The following TTF2 variants were observed in gnomAD, a reference collection of about 807,000 sequenced individuals.
TTF2 encodes the protein transcription termination factor 2.
TTF2 carries 108 observed loss-of-function variants against 142.4 expected under a neutral mutation model. That is an observed-to-expected ratio of 0.76 (90% confidence interval 0.65 to 0.89). TTF2 has a LOEUF of 0.89. TTF2 is among the 40% of genes least tolerant of loss of function. The pLI, the probability that TTF2 is intolerant of heterozygous loss-of-function variation, is 0.00. For synonymous variants in TTF2, 483 were observed against 506.2 expected (o/e 0.95, Z 0.61); for missense variants, 1,327 against 1,379.8 (o/e 0.96, Z 0.61).
At chr1:117,082,311 C>T (rs574873032) in intron 10 of TTF2, among the ~76,000 whole-genome samples, 2 of 152,262 alleles carry the variant, frequency 1.3e-5, no homozygotes, top group East Asian at 1.9e-4. Context: ...CTCCTTGGCT[C>T]AAGCGATCCT....
intron 18 of TTF2, among the ~76,000 whole-genome samples, chr1:117,094,994 G>C (rs1269303475): frequency 6.6e-6 from 1 of 152,184 alleles, no homozygotes; most frequent in Non-Finnish European, 1.5e-5. Flanking sequence ...TGTGCTTGCT[G>C]TGTCGTTTGA....
In TTF2 at chr1:117,084,154, T is replaced by C; in HGVS notation, c.2040T>C (p.Asp680=). 6.2e-7 allele frequency: 1 copy of C among 1,614,206 alleles called. No homozygotes were observed. The highest frequency in any genetic ancestry group is 1.3e-5 in the African/African-American group (1 of 75,058). ...RVYLYHGPNR[D]SRARVLSTYD... is the part of the protein sequence containing the mutation. Reference sequence around the variant, plus strand: ...ATCTCTACCATGGGCCAAACCGGGATTCACGTGCCAGAGTGTAAGTGCAGG... The same window carrying C: ...ATCTCTACCATGGGCCAAACCGGGACTCACGTGCCAGAGTGTAAGTGCAGG... The change falls in exon 11 of 23, where the codon GAT becomes GAC. Residue 680 remains aspartate, a synonymous_variant. Coordinates refer to ENST00000369466, the MANE Select transcript of TTF2 (RefSeq NM_003594.4).
In TTF2 at chr1:117,075,466, G is replaced by C; in HGVS notation, c.882G>C (p.Lys294Asn). The change falls in exon 5 of 23, where the codon AAG (lysine) becomes AAC (asparagine). Residue 294 changes from lysine to asparagine, a missense_variant. Physicochemically the swap from Lys to Asn is moderately conservative, Grantham distance 94. Coordinates refer to ENST00000369466, the MANE Select transcript of TTF2 (RefSeq NM_003594.4). The surrounding 1 kb of genome is among the most constrained non-coding windows in gnomAD (Gnocchi z 4.5). ...EYTNWEAKET[K>N]AKDGPSIQAT... Reference sequence around the variant, plus strand: ...CGAACTGGGAGGCTAAAGAAACAAAGGCAAAGGATGGCCCTAGCATACAGG... The same window carrying C: ...CGAACTGGGAGGCTAAAGAAACAAACGCAAAGGATGGCCCTAGCATACAGG... 7.4e-6 allele frequency: 12 copies of C among 1,614,116 alleles called. No individual in the cohort carries two copies. Among genetic ancestry groups the C allele is most frequent in the Non-Finnish European group, 9.3e-6 (11 of 1,179,996 alleles).
At chr1:117,069,287 G>C (rs184616080) in intron 3 of TTF2, among the ~76,000 whole-genome samples, 31 of 152,304 alleles carry the variant, frequency 2.0e-4, no homozygotes, top group African/African-American at 7.2e-4. Context: ...AGTCTCCTCT[G>C]CACATTAGAG....
rs12057763 is a variant in TTF2, at chr1:117,087,544, C to T, written c.2160+1022C>T. Reference sequence around the variant, plus strand: ...CTGACCTCAAGTGATCCACCCGCCTCGGCCTCCCAAAGTGCTGGGATTATA... The same window carrying T: ...CTGACCTCAAGTGATCCACCCGCCTTGGCCTCCCAAAGTGCTGGGATTATA... On this transcript the variant is annotated intron_variant, in intron 12 of 22. Coordinates refer to ENST00000369466, the MANE Select transcript of TTF2 (RefSeq NM_003594.4). The surrounding 1 kb of genome is among the most constrained non-coding windows in gnomAD (Gnocchi z 4.8). 4.0e-3 allele frequency among the ~76,000 whole-genome samples: 607 copies of T among 152,298 alleles called. 5 individuals carry two copies. The highest frequency in any genetic ancestry group is 0.014 in the African/African-American group (588 of 41,552).
chr1:117,090,939 A>C lies in TTF2; in HGVS notation c.2588+316A>C, dbSNP rs1193656376. Among the ~76,000 whole-genome samples, 1 of 152,042 alleles carries C rather than the reference A, an allele frequency of 6.6e-6. No individual in the cohort carries two copies. The highest frequency in any genetic ancestry group is 1.9e-4 in the East Asian group (1 of 5,182). On this transcript the variant is annotated intron_variant, in intron 15 of 22. Coordinates refer to ENST00000369466, the MANE Select transcript of TTF2 (RefSeq NM_003594.4). The surrounding 1 kb of genome is among the most constrained non-coding windows in gnomAD (Gnocchi z 4.8). ...TGTACTGAATAATAATATCTCTTTG[A>C]CATTTGACCTGTCATCCAGCATCTC... is the stretch of plus-strand genomic sequence containing the variant.
Position 117,076,357 on chromosome 1 carries a change from G to T in TTF2, c.1390+63G>T. ...CGACTTTACAAGAGACATTCGGGAA[G>T]CCCTTTTAATAAAGAATGTGTTGAT... On this transcript the variant is annotated intron_variant, in intron 6 of 22. Coordinates refer to ENST00000369466, the MANE Select transcript of TTF2 (RefSeq NM_003594.4). The surrounding 1 kb of genome is among the most constrained non-coding windows in gnomAD (Gnocchi z 4.6). 7.5e-7 allele frequency: 1 copy of T among 1,326,860 alleles called. No individual in the cohort carries two copies. Among genetic ancestry groups the T allele is most frequent in the South Asian group, 1.3e-5 (1 of 76,830 alleles). 82.2% of individuals were successfully genotyped at this position (1,326,860 alleles called of 1,614,324 possible). A position where few individuals can be genotyped will look rare whatever the true frequency, so the allele number is the denominator to read the frequency against.
intron 3 of TTF2, among the ~76,000 whole-genome samples, chr1:117,065,718 T>A (rs918562731): frequency 7.2e-5 from 11 of 152,230 alleles, no homozygotes; most frequent in East Asian, 1.9e-4. Flanking sequence ...GAATTTTTTT[T>A]AATTTTGTTT....
rs774888484 is a variant in TTF2, at chr1:117,060,527, C to T, written c.101C>T (p.Ala34Val). The change falls in exon 2 of 23, where the codon GCA becomes GTA. Residue 34 changes from alanine (A) to valine (V), a missense_variant. Physicochemically the swap from Ala to Val is moderately conservative, Grantham distance 64. Transcript: ENST00000369466. ...GGAAAGAGCTTCTACGTGTGCCGGGCAGACACGTGCAGCTTCGTGCGGGCC... is the reference window on the plus strand; with the variant it reads ...GGAAAGAGCTTCTACGTGTGCCGGGTAGACACGTGCAGCTTCGTGCGGGCC... Reference protein sequence around the residue: ...NKGKSFYVCRADTCSFVRATD... With the variant: ...NKGKSFYVCRVDTCSFVRATD... The T allele has an allele frequency of 1.2e-6, 2 of 1,613,646 alleles. No individual in the cohort carries two copies. Among genetic ancestry groups the T allele is most frequent in the Non-Finnish European group, 1.7e-6 (2 of 1,179,696 alleles).
Position 117,074,931 on chromosome 1 carries a change from A to G in TTF2, c.347A>G (p.His116Arg), listed in dbSNP as rs1475564028. ...NKSQHASETFHHSSNWLRNPF... is the reference protein window; with the variant it reads ...NKSQHASETFRHSSNWLRNPF... ...TCTCAGCATGCATCTGAGACATTTC[A>G]TCATTCTTCCAACTGGCTGAGAAAT... The change falls in exon 5 of 23, where the codon CAT becomes CGT. Residue 116 changes from histidine (H) to arginine (R), a missense_variant. Transcript: ENST00000369466. 4.3e-6 allele frequency: 7 copies of G among 1,613,626 alleles called. No homozygotes were observed. Among genetic ancestry groups the G allele is most frequent in the Admixed American group, 1.7e-5 (1 of 59,904 alleles).
At position 117,095,381 on chromosome 1, in the gene TTF2, C is replaced by T; in HGVS notation, c.3035+14C>T. 6.2e-7 allele frequency: 1 copy of T among 1,613,222 alleles called. No homozygotes were observed. Among genetic ancestry groups the T allele is most frequent in the South Asian group, 1.1e-5 (1 of 91,066 alleles). On this transcript the variant is annotated intron_variant, in intron 19 of 22. Transcript: ENST00000369466. ...ATCCCAAAAGAGGTAACTGCGTTTTCTCATTATCCAAGTATTGGTCATAAT... is the reference window on the plus strand; with the variant it reads ...ATCCCAAAAGAGGTAACTGCGTTTTTTCATTATCCAAGTATTGGTCATAAT...
chr1:117,095,485 T>C, intron 19 of TTF2, 118 bp downstream of exon 19: 1 of 854,144 alleles, frequency 1.2e-6, no homozygotes, highest in Non-Finnish European at 1.9e-6. Flanking sequence ...ACTGAGGTTA[T>C]AGCACACATT....
chr1:117,078,346 T>C (rs1249500161), intron 8 of TTF2, among the ~76,000 whole-genome samples: 3 of 152,158 alleles, frequency 2.0e-5, no homozygotes, highest in Admixed American at 1.3e-4. Flanking sequence ...TGAAAATACA[T>C]ATACAATGTA....
In TTF2 at chr1:117,086,689, T is replaced by C. The variant is rs1334015696; in HGVS notation, c.2160+167T>C. Among the ~76,000 whole-genome samples, 5 of 152,154 alleles carry C rather than the reference T, an allele frequency of 3.3e-5. No individual in the cohort carries two copies. The highest frequency in any genetic ancestry group is 2.6e-4 in the Admixed American group (4 of 15,266). The stretch of plus-strand genomic sequence containing the variant: ...TCTTTCCTCTATCCCATCACCCTTA[T>C]TCCAGACAACCACCTCAGTGATAAA... On this transcript the variant is annotated intron_variant, in intron 12 of 22. Coordinates refer to ENST00000369466, the MANE Select transcript of TTF2 (RefSeq NM_003594.4). This position sits in a 1 kb window ranked among gnomAD's most constrained non-coding sequence, Gnocchi z 4.2.
rs986571031 is a variant in TTF2 at position 117,087,216 on chromosome 1, G to T, written c.2160+694G>T. ...TAACCAACTCTGACTTATAGATGAT[G>T]AACTTTTCAGATTGCTCACTGGTTT... On this transcript the variant is annotated intron_variant, in intron 12 of 22. Transcript: ENST00000369466. This position sits in a 1 kb window ranked among gnomAD's most constrained non-coding sequence, Gnocchi z 4.8. Among the ~76,000 whole-genome samples, 1 of 152,190 alleles carries T rather than the reference G, an allele frequency of 6.6e-6. No homozygotes were observed. Among genetic ancestry groups the T allele is most frequent in the Non-Finnish European group, 1.5e-5 (1 of 68,032 alleles).
In TTF2 at chr1:117,081,983, A is replaced by G. The variant is rs749271200; in HGVS notation, c.1903+36A>G. ...GTGCCTTAATAGCCTGCCATTCCCT[A>G]CGTCATTTGAGCCACCCAAGAGGGG... On this transcript the variant is annotated intron_variant, in intron 10 of 22. Coordinates refer to ENST00000369466, the MANE Select transcript of TTF2 (RefSeq NM_003594.4). 17 of 1,613,364 alleles carry G rather than the reference A, an allele frequency of 1.1e-5. No homozygotes were observed. In the South Asian group the frequency reaches 1.5e-4, roughly 15 times the overall value.
intron 16 of TTF2, among the ~76,000 whole-genome samples, 157 bp downstream of exon 16, chr1:117,091,567 G>A (rs1553198806): frequency 1.3e-5 from 2 of 152,146 alleles, no homozygotes; most frequent in African/African-American, 2.4e-5. Flanking sequence ...TTGCAAACAC[G>A]AGATCTGGTG....
intron 8 of TTF2, 47 bp downstream of exon 8, chr1:117,078,090 A>G (rs1159743369): frequency 6.3e-7 from 1 of 1,590,892 alleles, no homozygotes; most frequent in Non-Finnish European, 8.6e-7. Context: ...ACAGTGCTCC[A>G]GCAGCCCCAT....
chr1:117,091,706 A>T, intron 16 of TTF2, 111 bp from the exon 17 acceptor site: 2 of 1,375,206 alleles, frequency 1.5e-6, no homozygotes, highest in Non-Finnish European at 2.0e-6. Context: ...TAACTATATT[A>T]TTGAGTCTGA....
Sources: allele counts gnomAD v4.1 joint callset (sites outside exome capture counted in the v4.1 genomes callset), GRCh38; gene constraint gnomAD v4.1.1; non-coding constraint Gnocchi (gnomAD v3.1); transcripts MANE v1.5; gene names NCBI Gene and HGNC (gene_info 2026-07-23, HGNC 2026-07-21).